BOLL: variants seen among roughly 807,000 people sequenced by gnomAD.
The protein encoded by BOLL is protein boule-like.
BOLL carries 23 observed loss-of-function variants against 44.4 expected under a neutral mutation model. That is an observed-to-expected ratio of 0.52 (90% CI 0.37 to 0.73). The LOEUF (loss-of-function observed/expected upper bound fraction) is 0.73, where lower values mean the gene tolerates loss of function less well. Among genes scored for constraint, BOLL ranks in the 30% least tolerant of loss-of-function variants. The pLI is 0.00. For synonymous variants in BOLL, 97 were observed against 110.8 expected (o/e 0.88, Z 0.78); for missense variants, 287 against 338.3 (o/e 0.85, Z 1.19).
In BOLL at chr2:197,731,429, C is replaced by G. The variant is rs529395284; in HGVS notation, c.829-2851G>C. 3.1e-4 allele frequency among the ~76,000 whole-genome samples: 45 copies of G among 145,820 alleles called. No individual in the cohort carries two copies. The East Asian group carries it at 8.9e-3, about 29-fold the overall frequency. Reference sequence around the variant, plus strand: ...ACGAGACAGAAAGTCAACAAGGATACCCAGGAATTGAACTCAGCTCTGCAC... The same window carrying G: ...ACGAGACAGAAAGTCAACAAGGATAGCCAGGAATTGAACTCAGCTCTGCAC... On this transcript the variant is annotated intron_variant, in intron 10 of 10. Coordinates refer to ENST00000392296, the MANE Select transcript of BOLL (RefSeq NM_033030.6).
chr2:197,786,106 C>G, upstream of BOLL: 1 of 1,465,288 alleles, frequency 6.8e-7, no homozygotes, highest in Non-Finnish European at 9.1e-7. This position sits in a 1 kb window ranked among gnomAD's most constrained non-coding sequence, Gnocchi z 5.9. Context: ...GCCTGGGACT[C>G]TCGCCCCCTG....
chr2:197,760,890 A>C (rs1244980218), intron 7 of BOLL, among the ~76,000 whole-genome samples: 1 of 152,218 alleles, frequency 6.6e-6, no homozygotes, highest in Non-Finnish European at 1.5e-5. Flanking sequence ...TACTAACAGC[A>C]GATTTCTTAG....
In BOLL at chr2:197,784,588, G is replaced by A. The variant is rs563618990; in HGVS notation, c.-16+468C>T. The A allele has an allele frequency of 3.6e-5, 13 of 361,130 alleles. No individual in the cohort carries two copies. The East Asian group carries it at 2.2e-3, about 60-fold the overall frequency. The allele number at this position is 361,130 out of a possible 1,614,324, so 22.4% of individuals were successfully genotyped here. A position where few individuals can be genotyped will look rare whatever the true frequency, so the allele number is the denominator to read the frequency against. The stretch of plus-strand genomic sequence containing the variant: ...TGAGACTACAGGTGCGCACCACCAC[G>A]CCCAGCTAATTTTTTTGTATTAGTA... On this transcript the variant is annotated intron_variant, in intron 1 of 10. Coordinates refer to ENST00000392296, the MANE Select transcript of BOLL (RefSeq NM_033030.6).
At chr2:197,776,151 T>C (rs559345062) in intron 4 of BOLL, among the ~76,000 whole-genome samples, 1 of 152,068 alleles carries the variant, frequency 6.6e-6, no homozygotes, top group South Asian at 2.1e-4. Context: ...CCAGTGCTCA[T>C]ACTCTAAGAG....
At chr2:197,750,487 G>T (rs1479779912) in intron 9 of BOLL, among the ~76,000 whole-genome samples, 1 of 152,024 alleles carries the variant, frequency 6.6e-6, no homozygotes, top group Non-Finnish European at 1.5e-5. Context: ...AAAAAGCAGG[G>T]GTTGTAATCC....
chr2:197,762,780 A>G (rs1273862854), intron 7 of BOLL, among the ~76,000 whole-genome samples: 3 of 152,166 alleles, frequency 2.0e-5, no homozygotes, highest in Non-Finnish European at 4.4e-5. Flanking sequence ...AAAAAACTAG[A>G]AATATTTCAA....
intron 9 of BOLL, among the ~76,000 whole-genome samples, chr2:197,746,871 A>G (rs1055973662): frequency 5.4e-5 from 8 of 149,360 alleles, no homozygotes; most frequent in African/African-American, 1.7e-4. Context: ...CTGCACTCCA[A>G]CTTGGTGACA....
chr2:197,728,395 T>C lies in BOLL; in HGVS notation c.*160A>G. 1 of 1,181,040 alleles carries C rather than the reference T, an allele frequency of 8.5e-7. No homozygotes were observed. Among genetic ancestry groups the C allele is most frequent in the East Asian group, 2.5e-5 (1 of 39,970 alleles). 73.2% of individuals were successfully genotyped at this position (1,181,040 alleles called of 1,614,324 possible). ...CTGAAAAAGCAAATTTCATCAAATT[T>C]AGACAGCTTATAGTGGAATAACTGA... On this transcript the variant is annotated 3_prime_UTR_variant, in exon 11 of 11. Transcript: ENST00000392296.
intron 10 of BOLL, among the ~76,000 whole-genome samples, chr2:197,729,382 T>TG (rs1172807910): frequency 3.9e-5 from 6 of 152,166 alleles, no homozygotes; most frequent in South Asian, 2.1e-4. Context: ...GCAGCGAGGC[T>TG]GGGGGAGGGG....
chr2:197,765,033 A>C (rs1255158153), intron 7 of BOLL, among the ~76,000 whole-genome samples: 2 of 152,086 alleles, frequency 1.3e-5, no homozygotes, highest in African/African-American at 4.8e-5. Context: ...GAAAGGAGGA[A>C]TAGGGAGAGG....
intron 9 of BOLL, among the ~76,000 whole-genome samples, chr2:197,747,263 T>TA (rs1688028135): frequency 6.6e-6 from 1 of 151,720 alleles, no homozygotes; most frequent in Non-Finnish European, 1.5e-5. Context: ...AAGCTGAGGA[T>TA]AAAAAGAAAA....
chr2:197,729,343 A>C (rs1343272473), intron 10 of BOLL, among the ~76,000 whole-genome samples: 1 of 152,148 alleles, frequency 6.6e-6, no homozygotes, highest in Non-Finnish European at 1.5e-5. Flanking sequence ...GATTGCTAGC[A>C]CAGCAGTCTG....
At position 197,756,548 on chromosome 2, in the gene BOLL, G is replaced by T; in HGVS notation, c.609C>A (p.Ala203=). 1 of 1,603,742 alleles carries T rather than the reference G, an allele frequency of 6.2e-7. No individual in the cohort carries two copies. The highest frequency in any genetic ancestry group is 1.1e-5 in the South Asian group (1 of 89,106). ...GCAGGTATAAGAATGGAGCAGAAGA[G>T]GCAGAAGGCTAAAATACAAAACCAT... The part of the protein sequence containing the change: ...QWQWSVPQPS[A]SSAPFLYLQP... The change falls in exon 9 of 11, where the codon GCC becomes GCA. Residue 203 remains alanine, a synonymous_variant. Coordinates refer to ENST00000392296, the MANE Select transcript of BOLL (RefSeq NM_033030.6).
intron 10 of BOLL, among the ~76,000 whole-genome samples, chr2:197,737,633 G>A (rs1687553792): frequency 6.6e-6 from 1 of 152,018 alleles, no homozygotes; most frequent in Non-Finnish European, 1.5e-5. Context: ...GACAATTTGA[G>A]TCTCTAAATT....
chr2:197,754,141 T>C (rs1688391883), intron 9 of BOLL, among the ~76,000 whole-genome samples: 1 of 151,314 alleles, frequency 6.6e-6, no homozygotes, highest in African/African-American at 2.4e-5. Context: ...TGTCAGGGGG[T>C]CGGGGGCACG....
chr2:197,743,309 T>A (rs1288281079), intron 9 of BOLL, 150 bp from the exon 10 acceptor site: 1 of 489,840 alleles, frequency 2.0e-6, no homozygotes, highest in Non-Finnish European at 3.5e-6. Context: ...TATAATCTGA[T>A]GAGTTAATAT....
At chr2:197,735,490 A>T (rs181822538) in intron 10 of BOLL, among the ~76,000 whole-genome samples, 160 of 152,178 alleles carry the variant, frequency 1.1e-3, no homozygotes, top group South Asian at 3.3e-3. Flanking sequence ...GTAATATTTA[A>T]CTCACACATA....
intron 10 of BOLL, among the ~76,000 whole-genome samples, chr2:197,740,520 G>A (rs700644): frequency 0.99 from 151,482 of 152,252 alleles, 75,359 homozygotes; most frequent in Middle Eastern, 1. Context: ...GGGTATAACT[G>A]GATTATCATT....
chr2:197,748,537 G>T (rs901665853), intron 9 of BOLL, among the ~76,000 whole-genome samples: 1 of 152,212 alleles, frequency 6.6e-6, no homozygotes, highest in Admixed American at 6.5e-5. Context: ...GGATGCTCAG[G>T]CTTGGTCAGG....
Sources: allele counts gnomAD v4.1 joint callset (sites outside exome capture counted in the v4.1 genomes callset), GRCh38; gene constraint gnomAD v4.1.1; non-coding constraint Gnocchi (gnomAD v3.1); transcripts MANE v1.5; gene names NCBI Gene and HGNC (gene_info 2026-07-23, HGNC 2026-07-21).